The following PLCB1 variants were observed in gnomAD, a reference collection of about 807,000 sequenced individuals.
PLCB1 encodes the protein 1-phosphatidylinositol 4,5-bisphosphate phosphodiesterase beta-1.
A neutral mutation model predicts 161.8 loss-of-function variants in PLCB1; 46 were observed. The observed-to-expected ratio is 0.28, with a 90% CI of 0.22 to 0.36. PLCB1 has a LOEUF of 0.36. Ranked by LOEUF, PLCB1 falls within the 10% of genes least tolerant of loss-of-function variation. The probability of loss-of-function intolerance (pLI) is 1.00; values close to 1 mark genes in which losing one functional copy is unlikely to be tolerated. For synonymous variants in PLCB1, 517 were observed against 503.7 expected, an observed-to-expected ratio of 1.03 and a Z score of -0.35; for missense variants, 1,016 against 1,472.5, an observed-to-expected ratio of 0.69 and a Z score of 5.07.
chr20:8,450,512 G>A (rs923753336), intron 3 of PLCB1, among the ~76,000 whole-genome samples: 1 of 152,030 alleles, frequency 6.6e-6, no homozygotes, highest in Non-Finnish European at 1.5e-5. Flanking sequence ...CAATTCTCAC[G>A]TGAGATTTCT....
At chr20:8,711,445 T>G (rs1409517850) in intron 12 of PLCB1, among the ~76,000 whole-genome samples, 1 of 152,184 alleles carries the variant, frequency 6.6e-6, no homozygotes, top group Non-Finnish European at 1.5e-5. Context: ...ACTGCCCTTA[T>G]GGGCTTAAAA....
At chr20:8,639,233 T>G (rs1988865223) in intron 4 of PLCB1, among the ~76,000 whole-genome samples, 1 of 152,140 alleles carries the variant, frequency 6.6e-6, no homozygotes, top group African/African-American at 2.4e-5. Context: ...CAGAATGAGG[T>G]CATGCTTCTG....
intron 2 of PLCB1, among the ~76,000 whole-genome samples, chr20:8,155,511 A>AT (rs1304080686): frequency 6.6e-6 from 1 of 152,222 alleles, no homozygotes; most frequent in East Asian, 1.9e-4. Context: ...TCACAGTAAC[A>AT]TTTTTCAGCA....
chr20:8,818,305 C>T (rs1985172039), intron 31 of PLCB1, among the ~76,000 whole-genome samples: 1 of 151,964 alleles, frequency 6.6e-6, no homozygotes, highest in Non-Finnish European at 1.5e-5. Context: ...TTAGCACAGC[C>T]CAGGAAGACA....
intron 3 of PLCB1, among the ~76,000 whole-genome samples, chr20:8,378,122 T>G (rs1395789197): frequency 6.6e-6 from 1 of 152,196 alleles, no homozygotes; most frequent in Non-Finnish European, 1.5e-5. Flanking sequence ...CATCGATGGA[T>G]GAGTGGATAT....
At chr20:8,622,895 T>G (rs941794574) in intron 3 of PLCB1, among the ~76,000 whole-genome samples, 1 of 152,070 alleles carries the variant, frequency 6.6e-6, no homozygotes. Context: ...ACCAACCTAA[T>G]AGCTCAGGCA....
intron 31 of PLCB1, among the ~76,000 whole-genome samples, chr20:8,817,425 C>T (rs1199118009): frequency 6.6e-6 from 1 of 152,090 alleles, no homozygotes; most frequent in African/African-American, 2.4e-5. Flanking sequence ...AGCTGGTCCT[C>T]ACTGGGGGGT....
intron 3 of PLCB1, among the ~76,000 whole-genome samples, chr20:8,395,822 A>C (rs1250754402): frequency 6.6e-6 from 1 of 152,010 alleles, no homozygotes; most frequent in Non-Finnish European, 1.5e-5. Flanking sequence ...CCCATTTTAA[A>C]AAAAAAACAA....
Position 8,433,700 on chromosome 20 carries a change from C to T in PLCB1, c.246+62250C>T. 1.5e-5 allele frequency among the ~76,000 whole-genome samples: 2 copies of T among 129,974 alleles called. 1 individual carries two copies. Among genetic ancestry groups the T allele is most frequent in the Non-Finnish European group, 3.4e-5 (2 of 59,472 alleles). 85.3% of individuals were successfully genotyped at this position (129,974 alleles called of 152,430 possible). A position where few individuals can be genotyped will look rare whatever the true frequency, so the allele number is the denominator to read the frequency against. On this transcript the variant is annotated intron_variant, in intron 3 of 31. Transcript: ENST00000338037. Reference sequence around the variant, plus strand: ...TTCAGTAAATGACGAGTGTATCCTTCTCCTCTTCCTCCTCCTCCTCCTCAT... The same window carrying T: ...TTCAGTAAATGACGAGTGTATCCTTTTCCTCTTCCTCCTCCTCCTCCTCAT...
At chr20:8,303,292 G>A (rs1268748192) in intron 2 of PLCB1, among the ~76,000 whole-genome samples, 1 of 152,144 alleles carries the variant, frequency 6.6e-6, no homozygotes, top group Non-Finnish European at 1.5e-5. Context: ...ATTTGTTGCT[G>A]GGCACAATTT....
At chr20:8,399,039 T>C (rs935233207) in intron 3 of PLCB1, among the ~76,000 whole-genome samples, 5 of 151,946 alleles carry the variant, frequency 3.3e-5, no homozygotes, top group Non-Finnish European at 7.4e-5. Context: ...AGTTAGTAAG[T>C]CTTTATTCAT....
intron 23 of PLCB1, among the ~76,000 whole-genome samples, chr20:8,746,333 T>G (rs1049924077): frequency 6.6e-6 from 1 of 152,188 alleles, no homozygotes; most frequent in African/African-American, 2.4e-5. Flanking sequence ...TTTTCTATTT[T>G]TAAAATACCT....
intron 31 of PLCB1, among the ~76,000 whole-genome samples, chr20:8,839,601 C>T (rs969775727): frequency 5.3e-5 from 8 of 152,120 alleles, no homozygotes; most frequent in African/African-American, 7.2e-5. Flanking sequence ...AGTGAAGAAA[C>T]GGAAACCTCA....
chr20:8,678,693 C>A (rs1990146913), intron 9 of PLCB1, among the ~76,000 whole-genome samples: 1 of 152,202 alleles, frequency 6.6e-6, no homozygotes, highest in South Asian at 2.1e-4. Context: ...GACATTCAGC[C>A]CCTCCCTACT....
chr20:8,734,709 GA>G (rs1239755616), intron 19 of PLCB1, among the ~76,000 whole-genome samples: 1 of 151,910 alleles, frequency 6.6e-6, no homozygotes, highest in Non-Finnish European at 1.5e-5. Flanking sequence ...CAATTTTTTA[GA>G]ATACATTTTA....
chr20:8,444,825 C>T (rs894222760), intron 3 of PLCB1, among the ~76,000 whole-genome samples: 5 of 151,760 alleles, frequency 3.3e-5, no homozygotes, highest in African/African-American at 1.2e-4. Flanking sequence ...TTTCATGTGT[C>T]TGTTGGCTGC....
chr20:8,585,162 C>G (rs1986951845), intron 3 of PLCB1, among the ~76,000 whole-genome samples: 1 of 152,170 alleles, frequency 6.6e-6, no homozygotes, highest in African/African-American at 2.4e-5. Context: ...CAAAATGCTT[C>G]CAAGACTCTC....
intron 15 of PLCB1, among the ~76,000 whole-genome samples, chr20:8,724,430 C>T (rs552671657): frequency 2.0e-5 from 3 of 152,170 alleles, no homozygotes; most frequent in East Asian, 1.9e-4. Flanking sequence ...TATGTTGGGG[C>T]CATGCTGCCA....
At chr20:8,797,058 AT>A (rs765624266) in intron 31 of PLCB1, among the ~76,000 whole-genome samples, 6 of 152,200 alleles carry the variant, frequency 3.9e-5, no homozygotes, top group African/African-American at 9.6e-5. Flanking sequence ...GAGAATCTAC[AT>A]TTCCTCCATT....
Sources: allele counts gnomAD v4.1 joint callset (sites outside exome capture counted in the v4.1 genomes callset), GRCh38; gene constraint gnomAD v4.1.1; transcripts MANE v1.5; gene names NCBI Gene and HGNC (gene_info 2026-07-23, HGNC 2026-07-21).